Variants in VPS9D1 observed in about 807,000 individuals in gnomAD.
VPS9D1 encodes VPS9 domain containing 1.
Under a neutral mutation model 75.8 loss-of-function variants are expected in VPS9D1, and 78 were observed. The observed-to-expected ratio is 1.03, with a 90% CI of 0.86 to 1.24. The LOEUF (loss-of-function observed/expected upper bound fraction) is 1.24, where lower values mean the gene tolerates loss of function less well. VPS9D1 is among the 50% of genes most tolerant of loss of function. VPS9D1 has a pLI of 0.00. For missense variants in VPS9D1, 1,057 were observed against 847.7 expected (o/e 1.25, Z -3.07); for synonymous variants, 481 against 385.6 (o/e 1.25, Z -2.90).
At chr16:89,712,751 G>A (rs1396772486) in intron 4 of VPS9D1, 35 bp from the exon 5 acceptor site, 1 of 1,506,274 alleles carries the variant, frequency 6.6e-7, no homozygotes, top group East Asian at 2.3e-5. Context: ...TAGACCCCAG[G>A]AAGCCCAGTG....
chr16:89,708,880 G>T lies in VPS9D1; in HGVS notation c.1674C>A (p.Pro558=). The change falls in exon 13 of 15, where the codon CCC becomes CCA. Residue 558 remains proline (P), a synonymous_variant. Coordinates refer to ENST00000389386, the MANE Select transcript of VPS9D1 (RefSeq NM_004913.3). The part of the protein sequence containing the change: ...PTPEATPQAG[P]PPIAAAAIGA... ...ACATGGCAGCTGCAGCGATGGGCGG[G>T]GGCCCGGCCTGGGGTGTGGCCTCTG... The T allele has an allele frequency of 6.3e-7, 1 of 1,585,408 alleles. No homozygotes were observed. Among genetic ancestry groups the T allele is most frequent in the Admixed American group, 2.0e-5 (1 of 50,810 alleles).
At position 89,712,682 on chromosome 16, in the gene VPS9D1, T is replaced by G; in HGVS notation, c.466A>C (p.Asn156His). The stretch of plus-strand genomic sequence containing the variant: ...TCATACGCAGCCTTCAGCTTCTGAT[T>G]CTGCAGGGAGGCCTCCTCCAGTGGC... Reference protein sequence around the residue: ...LTPLEEASLQNQKLKAAYEAR... With the variant: ...LTPLEEASLQHQKLKAAYEAR... Residue 156 changes from asparagine to histidine, a missense_variant, in exon 5 of 15, where the codon AAT becomes CAT. By Grantham distance (68) the Asn-to-His change is moderately conservative. Transcript: ENST00000389386. The G allele has an allele frequency of 6.2e-7, 1 of 1,611,316 alleles. No homozygotes were observed. Among genetic ancestry groups the G allele is most frequent in the Non-Finnish European group, 8.5e-7 (1 of 1,178,232 alleles).
At chr16:89,709,161 C>T (rs1480278220) in intron 12 of VPS9D1, 66 bp downstream of exon 12, 18 of 1,599,090 alleles carry the variant, frequency 1.1e-5, no homozygotes, top group Non-Finnish European at 1.5e-5. Context: ...GTGGTGAAGA[C>T]ACAGGCTCCA....
Position 89,707,919 on chromosome 16 carries a change from G to C in VPS9D1, c.1838C>G (p.Ser613Ter), listed in dbSNP as rs2060828199. Residue 613 changes from serine to a stop codon, truncating the protein, a stop_gained, in exon 15 of 15, where the codon TCA becomes TGA. Transcript: ENST00000389386. LOFTEE classifies it high-confidence loss of function. Reference protein sequence around the residue: ...LIGEEGYCLTSLQSALSYVEL... With the variant: ...LIGEEGYCLT ...CACGTAGCTCAGGGCACTCTGCAGTGATGTGAGGCAGTAGCCCTCCTCTCC... is the reference window on the plus strand; with the variant it reads ...CACGTAGCTCAGGGCACTCTGCAGTCATGTGAGGCAGTAGCCCTCCTCTCC... 1 of 1,613,018 alleles carries C rather than the reference G, an allele frequency of 6.2e-7. No individual in the cohort carries two copies. The highest frequency in any genetic ancestry group is 8.5e-7 in the Non-Finnish European group (1 of 1,179,972).
chr16:89,707,977 C>T (rs746379004), intron 14 of VPS9D1, 23 bp from the exon 15 acceptor site: 15 of 1,608,870 alleles, frequency 9.3e-6, no homozygotes, highest in Middle Eastern at 1.6e-4. Flanking sequence ...CAGGGGCAGC[C>T]GGTGTCATCT....
At position 89,710,622 on chromosome 16, in the gene VPS9D1, G is replaced by C. The variant is rs199885398; in HGVS notation, c.1222C>G (p.Leu408Val). The change falls in exon 10 of 15, where the codon CTG becomes GTG. Residue 408 changes from leucine to valine, a missense_variant. Leu to Val is a conservative substitution (Grantham distance 32). Transcript: ENST00000389386. ...TGGATCTCCTCCACCGCGGTCTTCA[G>C]CTGCTGCAGCTGGGGCTCCGGCTGT... ...GVQPEPQLQQ[L>V]KTAVEEIHNA... The C allele has an allele frequency of 2.4e-5, 39 of 1,609,752 alleles. No individual in the cohort carries two copies. In the African/African-American group the frequency reaches 4.7e-4, roughly 19 times the overall value.
chr16:89,712,055 G>C lies in VPS9D1; in HGVS notation c.651C>G (p.Ala217=). Residue 217 remains alanine (A), a synonymous_variant, in exon 7 of 15, where the codon GCC becomes GCG. Transcript: ENST00000389386. The stretch of plus-strand genomic sequence containing the variant: ...GCGGGCAGGAGTCCCACCTGTTGGC[G>C]GCCTCCTGGAGCCGCAGCCGGCGCT... ...MEERRLRLQE[A]ANRRFCSQVA... The C allele has an allele frequency of 2.6e-6, 4 of 1,548,846 alleles. No individual in the cohort carries two copies. Among genetic ancestry groups the C allele is most frequent in the Non-Finnish European group, 3.5e-6 (4 of 1,146,790 alleles).
rs4785706 is a variant in VPS9D1, at chr16:89,716,779, C to T, written c.219G>A (p.Lys73=). 1,581,927 of 1,591,670 alleles carry T rather than the reference C, an allele frequency of 0.99. 786,428 individuals are homozygous for T. The highest frequency in any genetic ancestry group is 1 in the East Asian group (44,647 of 44,648). The change falls in exon 3 of 15, where the codon AAG becomes AAA. Residue 73 remains lysine, a synonymous_variant. Transcript: ENST00000389386. ...TVPPDTSKML[K]LAQQCLERAQ... is the part of the protein sequence containing the mutation. ...CCCTCTCCAGACACTGCTGTGCTAG[C>T]TTCAGCATCTTGGAGGTGTCGGGGG...
chr16:89,714,762 G>A (rs1224884355), intron 4 of VPS9D1, among the ~76,000 whole-genome samples: 1 of 151,798 alleles, frequency 6.6e-6, no homozygotes, highest in Admixed American at 6.6e-5. Flanking sequence ...TTGAGCCGGA[G>A]TCTCGCTCTG....
At chr16:89,708,775 G>T in intron 13 of VPS9D1, 82 bp downstream of exon 13, 2 of 1,375,602 alleles carry the variant, frequency 1.5e-6, no homozygotes, top group Non-Finnish European at 2.0e-6. Flanking sequence ...AAGGCTAAGG[G>T]GCAGGAAGAT....
At position 89,711,988 on chromosome 16, in the gene VPS9D1, G is replaced by A. The variant is rs1213780993; in HGVS notation, c.660-19C>T. 3.9e-6 allele frequency: 6 copies of A among 1,550,234 alleles called. No homozygotes were observed. The highest frequency in any genetic ancestry group is 5.2e-6 in the Non-Finnish European group (6 of 1,146,630). On this transcript the variant is annotated intron_variant, in intron 7 of 14. Coordinates refer to ENST00000389386, the MANE Select transcript of VPS9D1 (RefSeq NM_004913.3). ...AAACCTCCTGGGGAGAAAGGCACGC[G>A]GTGGGTGCCGGGGCCAGGCCCTCCC...
At chr16:89,709,149 C>T (rs2060858026) in intron 12 of VPS9D1, 78 bp downstream of exon 12, 1 of 1,587,958 alleles carries the variant, frequency 6.3e-7, no homozygotes, top group Non-Finnish European at 8.6e-7. Context: ...AAGAGAAGCT[C>T]AGTGGTGAAG....
intron 10 of VPS9D1, among the ~76,000 whole-genome samples, chr16:89,710,325 C>T (rs981570047): frequency 2.6e-5 from 4 of 152,166 alleles, no homozygotes; most frequent in African/African-American, 9.7e-5. Context: ...GTGGCTCATG[C>T]TTGTAATCCC....
rs752587079 is a variant in VPS9D1, at chr16:89,709,207, T to C, written c.1597+20A>G. ...TGGGATGGGAGCCTGTCCCTCCCCC[T>C]GACTCTCGAACCTGCTGACCTATGC... is the stretch of plus-strand genomic sequence containing the variant. On this transcript the variant is annotated intron_variant, in intron 12 of 14. Coordinates refer to ENST00000389386, the MANE Select transcript of VPS9D1 (RefSeq NM_004913.3). 3 of 1,611,376 alleles carry C rather than the reference T, an allele frequency of 1.9e-6. No individual in the cohort carries two copies. The highest frequency in any genetic ancestry group is 2.5e-6 in the Non-Finnish European group (3 of 1,179,744).
chr16:89,712,411 C>T (rs576597441), intron 6 of VPS9D1, 49 bp downstream of exon 6: 1 of 1,608,532 alleles, frequency 6.2e-7, no homozygotes, highest in South Asian at 1.1e-5. Context: ...TGGCTCAAGG[C>T]CACACTGAGT....
chr16:89,709,452 C>T lies in VPS9D1; in HGVS notation c.1389-17G>A. On this transcript the variant is annotated splice_polypyrimidine_tract_variant and intron_variant, in intron 11 of 14. Coordinates refer to ENST00000389386, the MANE Select transcript of VPS9D1 (RefSeq NM_004913.3). ...TGCACGCTCCTGGGGCAGAGAGAGG[C>T]CAGGCTAAGCTGCCCCAGGGACCTT... 1.3e-6 allele frequency: 2 copies of T among 1,499,806 alleles called. No individual in the cohort carries two copies. The highest frequency in any genetic ancestry group is 2.7e-5 in the South Asian group (2 of 74,752). The allele number at this position is 1,499,806 out of a possible 1,614,324, so 92.9% of individuals were successfully genotyped here.
At position 89,712,728 on chromosome 16, in the gene VPS9D1, A is replaced by C; in HGVS notation, c.432-12T>G. 1 of 1,572,980 alleles carries C rather than the reference A, an allele frequency of 6.4e-7. No individual in the cohort carries two copies. The highest frequency in any genetic ancestry group is 8.6e-7 in the Non-Finnish European group (1 of 1,160,834). ...GTGGCGTCAGCTCTCTGGAAATGTGACAAGCTGCTGTCTAGACCCCAGGAA... is the reference window on the plus strand; with the variant it reads ...GTGGCGTCAGCTCTCTGGAAATGTGCCAAGCTGCTGTCTAGACCCCAGGAA... On this transcript the variant is annotated splice_polypyrimidine_tract_variant and intron_variant, in intron 4 of 14. Transcript: ENST00000389386.
intron 13 of VPS9D1, 117 bp downstream of exon 13, chr16:89,708,740 C>T (rs2060846189): frequency 1.6e-6 from 2 of 1,232,636 alleles, no homozygotes; most frequent in Admixed American, 2.7e-5. Context: ...GGCCCTCCTG[C>T]TTCTACAGTG....
In VPS9D1 at chr16:89,711,867, C is replaced by T. The variant is rs1373911789; in HGVS notation, c.747+15G>A. 2 of 1,549,704 alleles carry T rather than the reference C, an allele frequency of 1.3e-6. No homozygotes were observed. The highest frequency in any genetic ancestry group is 8.7e-7 in the Non-Finnish European group (1 of 1,146,260). ...TGGGCTCCTCCTACAAAGCCTGGGC[C>T]CGTGGGGGACGCACATGGTCCTGTT... is the stretch of plus-strand genomic sequence containing the variant. On this transcript the variant is annotated intron_variant, in intron 8 of 14. Coordinates refer to ENST00000389386, the MANE Select transcript of VPS9D1 (RefSeq NM_004913.3).
Sources: gnomAD v4.1 joint callset for allele counts (sites outside exome capture counted in the v4.1 genomes callset) on GRCh38, gnomAD v4.1.1 for gene constraint, MANE v1.5 for transcripts, NCBI Gene and HGNC (gene_info 2026-07-23, HGNC 2026-07-21) for gene names.